The following RNLS variants were observed in gnomAD, a reference collection of about 807,000 sequenced individuals.
RNLS encodes renalase.
In RNLS, 39 loss-of-function variants were observed where a neutral mutation model predicts 39.8. The observed-to-expected ratio is 0.98, with a 90% CI of 0.76 to 1.28. The LOEUF (loss-of-function observed/expected upper bound fraction) is 1.28. Among genes scored for constraint, RNLS ranks in the 50% most tolerant of loss-of-function variants. The pLI, the probability that RNLS is intolerant of heterozygous loss-of-function variation, is 0.00. For synonymous variants in RNLS, 147 were observed against 150.7 expected, an observed-to-expected ratio of 0.98 and a Z score of 0.18; for missense variants, 410 against 413.3, an observed-to-expected ratio of 0.99 and a Z score of 0.07.
intron 2 of RNLS, 123 bp from the exon 3 acceptor site, chr10:88,581,832 T>A: frequency 1.7e-6 from 1 of 592,704 alleles, no homozygotes; most frequent in Non-Finnish European, 2.7e-6. Flanking sequence ...TATCTTCCTA[T>A]GAATATTTTG....
At chr10:88,475,188 AT>A (rs760838545) in intron 4 of RNLS, among the ~76,000 whole-genome samples, 8 of 152,122 alleles carry the variant, frequency 5.3e-5, no homozygotes, top group Admixed American at 1.3e-4. Context: ...GTTTTTACAC[AT>A]TTGTAGAGTT....
intron 4 of RNLS, among the ~76,000 whole-genome samples, chr10:88,405,826 T>C (rs1794824507): frequency 6.6e-6 from 1 of 152,088 alleles, no homozygotes; most frequent in Non-Finnish European, 1.5e-5. Flanking sequence ...TCCTGAGTGA[T>C]TTATACTTTA....
intron 4 of RNLS, among the ~76,000 whole-genome samples, chr10:88,391,543 C>A (rs550775469): frequency 6.6e-6 from 1 of 152,028 alleles, no homozygotes; most frequent in African/African-American, 2.4e-5. Flanking sequence ...GGCGACAGAG[C>A]GAGACTCCGT....
At chr10:88,230,418 G>T in the RNLS span, among the ~76,000 whole-genome samples, 1 of 151,798 alleles carries the variant, frequency 6.6e-6, no homozygotes, top group Non-Finnish European at 1.5e-5. Flanking sequence ...CACCTGAGTC[G>T]CCCCCTCTGC....
chr10:88,525,384 C>T (rs1229190306), intron 4 of RNLS, among the ~76,000 whole-genome samples: 1 of 152,030 alleles, frequency 6.6e-6, no homozygotes, highest in African/African-American at 2.4e-5. Context: ...GAATCTATAG[C>T]AATGCAGAAG....
the RNLS span, among the ~76,000 whole-genome samples, chr10:88,203,130 C>T: frequency 6.6e-6 from 1 of 150,534 alleles, no homozygotes; most frequent in Non-Finnish European, 1.5e-5. Context: ...AAAGAAAATC[C>T]ACCTGTGTAA....
intron 4 of RNLS, among the ~76,000 whole-genome samples, chr10:88,507,441 A>C (rs1845852336): frequency 6.6e-6 from 1 of 152,144 alleles, no homozygotes. Context: ...TAATGCTAAT[A>C]AAGTATTAAA....
intron 4 of RNLS, among the ~76,000 whole-genome samples, chr10:88,522,825 T>C (rs2765456): frequency 0.25 from 37,458 of 152,074 alleles, 5,603 homozygotes; most frequent in East Asian, 0.46. Context: ...CTTCAAATAT[T>C]TTGCCAATGT....
intron 4 of RNLS, among the ~76,000 whole-genome samples, chr10:88,388,819 C>G (rs1480166759): frequency 6.6e-6 from 1 of 152,146 alleles, no homozygotes; most frequent in Non-Finnish European, 1.5e-5. Context: ...AGGTCAATTG[C>G]CCTCATCACT....
the RNLS span, among the ~76,000 whole-genome samples, chr10:88,255,916 C>T: frequency 6.6e-6 from 1 of 152,140 alleles, no homozygotes; most frequent in East Asian, 1.9e-4. Flanking sequence ...CTCACATGCC[C>T]CTGGACATCT....
chr10:88,533,593 G>A (rs1467658776), intron 4 of RNLS, among the ~76,000 whole-genome samples: 2 of 152,100 alleles, frequency 1.3e-5, no homozygotes, highest in African/African-American at 2.4e-5. Flanking sequence ...GTTAGGAATA[G>A]TACTTTAGTT....
intron 4 of RNLS, among the ~76,000 whole-genome samples, chr10:88,414,059 ATACT>A (rs1352427259): frequency 1.3e-5 from 2 of 152,160 alleles, no homozygotes; most frequent in Non-Finnish European, 2.9e-5. Context: ...TCTAGTATAC[ATACT>A]TTCCATTTTA....
chr10:88,341,058 CAAA>C (rs58277887), intron 5 of RNLS, among the ~76,000 whole-genome samples: 3 of 128,476 alleles, frequency 2.3e-5, no homozygotes, highest in African/African-American at 2.9e-5. Flanking sequence ...GATTCTGTCT[CAAA>C]AAAAAAAAAA....
intron 6 of RNLS, among the ~76,000 whole-genome samples, chr10:88,286,437 G>T (rs1843277637): frequency 6.6e-6 from 1 of 152,100 alleles, no homozygotes; most frequent in African/African-American, 2.4e-5. Flanking sequence ...ATAAGCATTT[G>T]CAGTAAGGAG....
Position 88,284,379 on chromosome 10 carries a change from T to C in RNLS, c.*975A>G. ...TTTTGCTTTTCAAATTAGCAACAGG[T>C]AGCTGGTTTGGAAGGCTGGAGATTG... On this transcript the variant is annotated 3_prime_UTR_variant, in exon 7 of 7. Coordinates refer to ENST00000331772, the MANE Select transcript of RNLS (RefSeq NM_001031709.3). 2 of 985,356 alleles carry C rather than the reference T, an allele frequency of 2.0e-6. No individual in the cohort carries two copies. Among genetic ancestry groups the C allele is most frequent in the Non-Finnish European group, 2.4e-6 (2 of 829,904 alleles). The allele number at this position is 985,356 out of a possible 1,614,324, so 61.0% of individuals were successfully genotyped here.
intron 4 of RNLS, among the ~76,000 whole-genome samples, chr10:88,534,894 CTG>C (rs1187307291): frequency 6.6e-6 from 1 of 152,102 alleles, no homozygotes; most frequent in Non-Finnish European, 1.5e-5. Context: ...AATATAAGCA[CTG>C]TCATTTAGTA....
chr10:88,510,607 G>A (rs1454562128), intron 4 of RNLS, among the ~76,000 whole-genome samples: 3 of 152,032 alleles, frequency 2.0e-5, no homozygotes, highest in Non-Finnish European at 2.9e-5. Context: ...CACTTTGGGA[G>A]GCCGAGGCGG....
chr10:88,339,710 A>G (rs1847792028), intron 5 of RNLS, among the ~76,000 whole-genome samples: 1 of 152,232 alleles, frequency 6.6e-6, no homozygotes, highest in African/African-American at 2.4e-5. Flanking sequence ...TTTTAATTTC[A>G]TTTCTTTTTA....
At chr10:88,565,823 C>T (rs1244153698) in intron 4 of RNLS, among the ~76,000 whole-genome samples, 3 of 142,164 alleles carry the variant, frequency 2.1e-5, no homozygotes, top group Non-Finnish European at 3.0e-5. Context: ...GATCTTGGCT[C>T]ACTGCAACCT....
Sources: gnomAD v4.1 joint callset for allele counts (sites outside exome capture counted in the v4.1 genomes callset) on GRCh38, gnomAD v4.1.1 for gene constraint, MANE v1.5 for transcripts, NCBI Gene and HGNC (gene_info 2026-07-23, HGNC 2026-07-21) for gene names.